Variants in BCAN observed in about 807,000 individuals in gnomAD.
BCAN encodes brevican.
A neutral mutation model predicts 92.4 loss-of-function variants in BCAN; 51 were observed. The ratio of observed to expected loss-of-function variants is 0.55; its 90% CI spans 0.44 to 0.70. The LOEUF is 0.70. Among genes scored for constraint, BCAN ranks in the 30% least tolerant of loss-of-function variants. The pLI, the probability that BCAN is intolerant of heterozygous loss-of-function variation, is 0.00. For synonymous variants in BCAN, 501 were observed against 505.2 expected (o/e 0.99, Z 0.11); for missense variants, 1,140 against 1,212.1 (o/e 0.94, Z 0.88).
rs535277731 is a variant in BCAN at position 156,657,813 on chromosome 1, T to C, written c.2292+56T>C. The C allele has an allele frequency of 5.8e-5, 85 of 1,465,304 alleles. No homozygotes were observed. The South Asian group carries it at 8.7e-4, about 15-fold the overall frequency. The allele number at this position is 1,465,304 out of a possible 1,614,324, so 90.8% of individuals were successfully genotyped here. ...AGCTCACTTCCTCTAAGCACTTCTG[T>C]TCCCTACCACCCCCACCCCTCCCGA... On this transcript the variant is annotated intron_variant, in intron 11 of 13. Transcript: ENST00000329117.
chr1:156,652,059 G>A (rs1049709131), intron 7 of BCAN, among the ~76,000 whole-genome samples, 189 bp from the exon 8 acceptor site: 54 of 152,196 alleles, frequency 3.5e-4, no homozygotes, highest in African/African-American at 1.3e-3. Flanking sequence ...CTTCTCAAGT[G>A]TTGCCTCAAC....
At chr1:156,655,842 G>T (rs934105741) in intron 8 of BCAN, among the ~76,000 whole-genome samples, 9 of 152,186 alleles carry the variant, frequency 5.9e-5, no homozygotes, top group African/African-American at 9.7e-5. Context: ...GCTGGGACCT[G>T]GCACAAAGAC....
At chr1:156,657,268 C>A in intron 10 of BCAN, 172 bp downstream of exon 10, 1 of 963,930 alleles carries the variant, frequency 1.0e-6, no homozygotes, top group Non-Finnish European at 1.5e-6. Context: ...TCCCACCCTA[C>A]GCTTAGGCAG....
intron 10 of BCAN, 164 bp downstream of exon 10, chr1:156,657,260 C>T: frequency 1.0e-6 from 1 of 984,506 alleles, no homozygotes; most frequent in Non-Finnish European, 1.5e-6. Flanking sequence ...CTCTCCCTTC[C>T]CACCCTACGC....
chr1:156,658,246 G>A lies in BCAN; in HGVS notation c.2412G>A (p.Leu804=). ...QWSDVPCNYH[L]SYTCKMGLVS... is the part of the protein sequence containing the mutation. ...GTGACGTGCCCTGCAACTACCACCT[G>A]TCCTACACCTGCAAGATGGGGCTGG... The change falls in exon 12 of 14, where the codon CTG becomes CTA. Residue 804 remains leucine (L), a synonymous_variant. Coordinates refer to ENST00000329117, the MANE Select transcript of BCAN (RefSeq NM_021948.5). The surrounding 1 kb of genome is among the most constrained non-coding windows in gnomAD (Gnocchi z 4.4). 1 of 1,614,114 alleles carries A rather than the reference G, an allele frequency of 6.2e-7. No individual in the cohort carries two copies. The highest frequency in any genetic ancestry group is 2.2e-5 in the East Asian group (1 of 44,880).
chr1:156,646,196 A>T (rs777876867), intron 2 of BCAN, 51 bp downstream of exon 2: 1 of 1,552,468 alleles, frequency 6.4e-7, no homozygotes, highest in South Asian at 1.1e-5. Flanking sequence ...AGCCCTAACC[A>T]ACTGCTTCCA....
chr1:156,647,397 G>T lies in BCAN; in HGVS notation c.467-111G>T. The T allele has an allele frequency of 8.1e-7, 1 of 1,237,890 alleles. No homozygotes were observed. The allele number at this position is 1,237,890 out of a possible 1,614,324, so 76.7% of individuals were successfully genotyped here. On this transcript the variant is annotated intron_variant, in intron 3 of 13. Coordinates refer to ENST00000329117, the MANE Select transcript of BCAN (RefSeq NM_021948.5). The surrounding 1 kb of genome is among the most constrained non-coding windows in gnomAD (Gnocchi z 4.8). ...ACTTAAGTCCCTCATGCTGTAGAGT[G>T]AGCACAATTGAACTTTATTTACCCT...
intron 6 of BCAN, among the ~76,000 whole-genome samples, chr1:156,649,512 T>G (rs1679092171): frequency 6.6e-6 from 1 of 152,192 alleles, no homozygotes; most frequent in African/African-American, 2.4e-5. Flanking sequence ...CAGGGGATCC[T>G]TCCACTTCAA....
rs1679409003 is a variant in BCAN, at chr1:156,658,314, G to A, written c.2437+43G>A. The A allele has an allele frequency of 6.2e-7, 1 of 1,605,084 alleles. No individual in the cohort carries two copies. The highest frequency in any genetic ancestry group is 1.1e-5 in the South Asian group (1 of 89,272). ...AGGGTCCCAGCAAGGAAGTGGAGGG[G>A]TGGGCTAGGGGACCAGAGGGACTGA... is the stretch of plus-strand genomic sequence containing the variant. On this transcript the variant is annotated intron_variant, in intron 12 of 13. Transcript: ENST00000329117. This position sits in a 1 kb window ranked among gnomAD's most constrained non-coding sequence, Gnocchi z 4.4.
rs1240397841 is a variant in BCAN at position 156,648,555 on chromosome 1, C to T, written c.770-13C>T. On this transcript the variant is annotated splice_polypyrimidine_tract_variant and intron_variant, in intron 5 of 13. Coordinates refer to ENST00000329117, the MANE Select transcript of BCAN (RefSeq NM_021948.5). ...CAGCTGCCTGATAACCCAGCCTTCT[C>T]TTCTCCACCCAGGAGAACTGTTCCT... 3.8e-6 allele frequency: 6 copies of T among 1,569,872 alleles called. No individual in the cohort carries two copies. The highest frequency in any genetic ancestry group is 3.5e-6 in the Non-Finnish European group (4 of 1,148,742).
At chr1:156,651,418 C>G in intron 6 of BCAN, 38 bp from the exon 7 acceptor site, 2 of 1,549,186 alleles carry the variant, frequency 1.3e-6, no homozygotes, top group African/African-American at 2.7e-5. Context: ...GCAGAGCTAC[C>G]TATTCAGGCT....
rs1348954055 is a variant in BCAN at position 156,656,273 on chromosome 1, C to G, written c.1943-9C>G. 2 of 1,472,474 alleles carry G rather than the reference C, an allele frequency of 1.4e-6. No individual in the cohort carries two copies. Among genetic ancestry groups the G allele is most frequent in the Non-Finnish European group, 8.9e-7 (1 of 1,121,980 alleles). The allele number at this position is 1,472,474 out of a possible 1,614,324, so 91.2% of individuals were successfully genotyped here. ...CGCTCCCCCCGCCTCACTTCTTTCC[C>G]CCTCTCAGGTGACTGTGTCCCCAGC... On this transcript the variant is annotated splice_polypyrimidine_tract_variant and intron_variant, in intron 8 of 13. Coordinates refer to ENST00000329117, the MANE Select transcript of BCAN (RefSeq NM_021948.5).
Position 156,648,092 on chromosome 1 carries a change from T to C in BCAN, c.751T>C (p.Tyr251His), listed in dbSNP as rs1364741799. ...DPDDLYDVYCYAEDLNGELFL... is the reference protein window; with the variant it reads ...DPDDLYDVYCHAEDLNGELFL... ...GGATGACCTCTATGATGTGTACTGT[T>C]ATGCTGAAGACCTAAATGGTGATTA... Residue 251 changes from tyrosine (Y) to histidine (H), a missense_variant, in exon 5 of 14, where the codon TAT becomes CAT. By Grantham distance (83) the Tyr-to-His change is moderately conservative. Around this residue, in one of 3 missense-constraint regions of BCAN, gnomAD observed 825 missense variants for 871.8 expected, o/e 0.95. Transcript: ENST00000329117. The C allele has an allele frequency of 1.9e-6, 3 of 1,613,674 alleles. No individual in the cohort carries two copies. The South Asian group carries it at 3.3e-5, about 18-fold the overall frequency.
chr1:156,656,976 G>C lies in BCAN; in HGVS notation c.2089G>C (p.Gly697Arg). 6.2e-7 allele frequency: 1 copy of C among 1,614,102 alleles called. No individual in the cohort carries two copies. The highest frequency in any genetic ancestry group is 8.5e-7 in the Non-Finnish European group (1 of 1,179,964). ...CAACCCCGGCTGGGACGCCTTCCAG[G>C]GCGCCTGCTACAAGCACTTTTCCAC... is the stretch of plus-strand genomic sequence containing the variant. ...FCNPGWDAFQ[G>R]ACYKHFSTRR... is the part of the protein sequence containing the mutation. The change falls in exon 10 of 14, where the codon GGC (glycine) becomes CGC (arginine). Residue 697 changes from glycine (G) to arginine (R), a missense_variant. Physicochemically the swap from Gly to Arg is moderately radical, Grantham distance 125. Around this residue, in one of 3 missense-constraint regions of BCAN, gnomAD observed 825 missense variants for 871.8 expected, o/e 0.95. Coordinates refer to ENST00000329117, the MANE Select transcript of BCAN (RefSeq NM_021948.5).
chr1:156,657,228 C>T, intron 10 of BCAN, 132 bp downstream of exon 10: 1 of 1,146,198 alleles, frequency 8.7e-7, no homozygotes, highest in Admixed American at 2.5e-5. Context: ...CTCACTCATT[C>T]GTTCACTCCC....
At position 156,659,098 on chromosome 1, in the gene BCAN, G is replaced by C. The variant is rs143807107; in HGVS notation, c.2700G>C (p.Leu900=). The change falls in exon 14 of 14, where the codon CTG becomes CTC. Residue 900 remains leucine, a synonymous_variant. Transcript: ENST00000329117. ...GGCTACTGGGACGCTGGAAGGCGCT[G>C]TTGATCCCCCCTTCCAGCCCCATGC... ...QGRLLGRWKA[L]LIPPSSPMPG... 5 of 1,592,468 alleles carry C rather than the reference G, an allele frequency of 3.1e-6. No individual in the cohort carries two copies. In the African/African-American group the frequency reaches 6.7e-5, roughly 21 times the overall value.
In BCAN at chr1:156,658,879, G is replaced by A. The variant is rs1453277301; in HGVS notation, c.2628+146G>A. The A allele has an allele frequency of 5.1e-6, 7 of 1,363,756 alleles. No homozygotes were observed. Among genetic ancestry groups the A allele is most frequent in the Admixed American group, 2.1e-5 (1 of 46,716 alleles). 84.5% of individuals were successfully genotyped at this position (1,363,756 alleles called of 1,614,324 possible). A position where few individuals can be genotyped will look rare whatever the true frequency, so the allele number is the denominator to read the frequency against. On this transcript the variant is annotated intron_variant, in intron 13 of 13. Transcript: ENST00000329117. This position sits in a 1 kb window ranked among gnomAD's most constrained non-coding sequence, Gnocchi z 4.4. ...GAGGCAAAGGGGAAGAGGTGGGCTG[G>A]AGGCTCTGGGGTTCCTTCAGTGCTG...
At chr1:156,652,173 TC>T in intron 7 of BCAN, 74 bp from the exon 8 acceptor site, 1 of 1,516,988 alleles carries the variant, frequency 6.6e-7, no homozygotes, top group East Asian at 2.3e-5. Context: ...GCCCTACTTT[TC>T]TCCCCTTCCC....
chr1:156,654,536 G>A (rs115328779), intron 8 of BCAN, among the ~76,000 whole-genome samples: 1,983 of 152,306 alleles, frequency 0.013, 44 homozygotes, highest in African/African-American at 0.046. Flanking sequence ...TCCCCAAAAA[G>A]GGAGAGGGAA....
Sources: gnomAD v4.1 joint callset for allele counts (sites outside exome capture counted in the v4.1 genomes callset) on GRCh38, gnomAD v4.1.1 for gene constraint, gnomAD v4.1.1 regional missense constraint, Gnocchi (gnomAD v3.1) non-coding constraint, MANE v1.5 for transcripts, NCBI Gene and HGNC (gene_info 2026-07-23, HGNC 2026-07-21) for gene names.